Variants in MROH1 observed in about 807,000 individuals in gnomAD.
MROH1 encodes the protein maestro heat-like repeat-containing protein family member 1.
In MROH1, 117 loss-of-function variants were observed where a neutral mutation model predicts 116.5. The ratio of observed to expected loss-of-function variants is 1.00; its 90% confidence interval spans 0.86 to 1.17. The LOEUF (loss-of-function observed/expected upper bound fraction) is 1.17, where lower values mean the gene tolerates loss of function less well. Ranked by LOEUF, MROH1 falls within the 50% of genes most tolerant of loss-of-function variation. MROH1 has a pLI of 0.00. For missense variants in MROH1, 1,873 were observed against 1,338.5 expected (o/e 1.40, Z -6.23); for synonymous variants, 921 against 583.9 (o/e 1.58, Z -8.32).
At chr8:144,169,974 C>CA (rs1300033728) in intron 4 of MROH1, among the ~76,000 whole-genome samples, 1 of 152,242 alleles carries the variant, frequency 6.6e-6, no homozygotes, top group Non-Finnish European at 1.5e-5. Flanking sequence ...GCTGGGATTA[C>CA]AGGTGCCTGC....
At chr8:144,260,153 CTG>C (rs1386962231) in intron 38 of MROH1, 31 bp from the exon 39 acceptor site, 11 of 762,824 alleles carry the variant, frequency 1.4e-5, no homozygotes, top group Admixed American at 1.0e-4. Context: ...GACGGTGACT[CTG>C]GGACCCAGGC....
At chr8:144,247,729 G>T in intron 31 of MROH1, 50 bp downstream of exon 31, 1 of 715,836 alleles carries the variant, frequency 1.4e-6, no homozygotes, top group Non-Finnish European at 2.5e-6. Flanking sequence ...ACTGTCTGGG[G>T]CTAACAGGGA....
chr8:144,161,645 T>C (rs933929945), intron 2 of MROH1, among the ~76,000 whole-genome samples: 3 of 152,192 alleles, frequency 2.0e-5, no homozygotes, highest in Non-Finnish European at 4.4e-5. Flanking sequence ...GTCCAGTTTT[T>C]TAGTTGTCCT....
At chr8:144,195,518 A>G (rs1193587394) in intron 10 of MROH1, among the ~76,000 whole-genome samples, 35 of 147,378 alleles carry the variant, frequency 2.4e-4, no homozygotes, top group African/African-American at 8.4e-4. Context: ...AAAAAAAAAA[A>G]AAAAAAAGAA....
rs967908865 is a variant in MROH1, at chr8:144,231,285, G to A, written c.1339-7471G>A. On this transcript the variant is annotated intron_variant, in intron 14 of 43. Coordinates refer to ENST00000326134, the MANE Select transcript of MROH1 (RefSeq NM_032450.3). Reference sequence around the variant, plus strand: ...TCCCGCCTTTCTATTCCACAAAGCCGCCATTGTCATCATGGCCCGTTCTCA... The same window carrying A: ...TCCCGCCTTTCTATTCCACAAAGCCACCATTGTCATCATGGCCCGTTCTCA... Among the ~76,000 whole-genome samples, 23 of 151,928 alleles carry A rather than the reference G, an allele frequency of 1.5e-4. No individual in the cohort carries two copies. In the East Asian group the frequency reaches 3.5e-3, roughly 23 times the overall value.
chr8:144,249,011 C>T lies in MROH1; in HGVS notation c.3255C>T (p.Gly1085=), dbSNP rs899463261. ...TCAACTGCCTGCTGCAGGAGCGGGG[C>T]GGTGTGCTCCAGGAGAAGGTGGGAG... ...VMINCLLQER[G]GVLQEKVPEI... Residue 1085 remains glycine, a synonymous_variant, in exon 32 of 44, where the codon GGC becomes GGT. Coordinates refer to ENST00000326134, the MANE Select transcript of MROH1 (RefSeq NM_032450.3). The T allele has an allele frequency of 2.4e-5, 16 of 665,032 alleles. No homozygotes were observed. Among genetic ancestry groups the T allele is most frequent in the East Asian group, 9.9e-5 (3 of 30,370 alleles). 41.2% of individuals were successfully genotyped at this position (665,032 alleles called of 1,614,324 possible). A position where few individuals can be genotyped will look rare whatever the true frequency, so the allele number is the denominator to read the frequency against.
chr8:144,176,259 G>T (rs1212005448), intron 4 of MROH1, among the ~76,000 whole-genome samples: 1 of 151,810 alleles, frequency 6.6e-6, no homozygotes, highest in Non-Finnish European at 1.5e-5. Flanking sequence ...TGTAGTCCCA[G>T]GTACTCGGGA....
chr8:144,245,472 C>T (rs1002742173), intron 29 of MROH1, among the ~76,000 whole-genome samples: 4 of 152,208 alleles, frequency 2.6e-5, no homozygotes, highest in South Asian at 2.1e-4. Flanking sequence ...CACTGTTAGC[C>T]GGAAGGAACA....
chr8:144,189,416 G>A (rs894710896), intron 7 of MROH1, among the ~76,000 whole-genome samples: 4 of 152,142 alleles, frequency 2.6e-5, no homozygotes, highest in Non-Finnish European at 4.4e-5. Flanking sequence ...CCCTTCACCC[G>A]GGGCCCAGCC....
intron 14 of MROH1, among the ~76,000 whole-genome samples, chr8:144,226,946 G>A (rs564408780): frequency 6.6e-6 from 1 of 152,328 alleles, no homozygotes; most frequent in East Asian, 1.9e-4. Flanking sequence ...TTGTTCACCA[G>A]TATTTTGTAA....
chr8:144,260,614 C>T, intron 39 of MROH1, 63 bp from the exon 40 acceptor site: 6 of 769,116 alleles, frequency 7.8e-6, no homozygotes, highest in Non-Finnish European at 7.2e-6. Flanking sequence ...TGGCAGGGGG[C>T]TAGGCAGGCA....
intron 35 of MROH1, among the ~76,000 whole-genome samples, 186 bp downstream of exon 35, chr8:144,255,891 C>T (rs1227965921): frequency 2.6e-5 from 4 of 151,904 alleles, no homozygotes; most frequent in African/African-American, 4.9e-5. Flanking sequence ...CCATGGCCAC[C>T]CTTCTCACAC....
In MROH1 at chr8:144,238,765, C is replaced by G; in HGVS notation, c.1348C>G (p.Pro450Ala). 4 of 772,616 alleles carry G rather than the reference C, an allele frequency of 5.2e-6. No individual in the cohort carries two copies. The highest frequency in any genetic ancestry group is 7.2e-6 in the Non-Finnish European group (3 of 417,680). 47.9% of individuals were successfully genotyped at this position (772,616 alleles called of 1,614,324 possible). A position where few individuals can be genotyped will look rare whatever the true frequency, so the allele number is the denominator to read the frequency against. Residue 450 changes from proline to alanine, a missense_variant, in exon 15 of 44, where the codon CCA becomes GCA. Transcript: ENST00000326134. Reference protein sequence around the residue: ...ALPPEQEPEKPGPGSKDPKAD... With the variant: ...ALPPEQEPEKAGPGSKDPKAD... ...TTTTGCCTTCCTCCAGCCTGAGAAG[C>G]CAGGCCCCGGCAGCAAGGACCCCAA...
intron 28 of MROH1, 51 bp from the exon 29 acceptor site, chr8:144,245,104 GC>G: frequency 1.3e-6 from 1 of 778,026 alleles, no homozygotes; most frequent in Admixed American, 1.7e-5. Context: ...CAAGGCTCCT[GC>G]CCCCAGGGCT....
intron 1 of MROH1, among the ~76,000 whole-genome samples, chr8:144,158,921 T>C (rs1208124759): frequency 6.6e-6 from 1 of 152,142 alleles, no homozygotes; most frequent in Non-Finnish European, 1.5e-5. Flanking sequence ...GTATTTTTTG[T>C]AGAGACAGGG....
chr8:144,166,018 A>T (rs1000349101), intron 3 of MROH1, among the ~76,000 whole-genome samples: 2 of 152,008 alleles, frequency 1.3e-5, no homozygotes, highest in Admixed American at 6.6e-5. Context: ...AGCTGGGACT[A>T]TAGGTACCTG....
At position 144,180,104 on chromosome 8, in the gene MROH1, C is replaced by T; in HGVS notation, c.301-74C>T. On this transcript the variant is annotated intron_variant, in intron 5 of 43. Coordinates refer to ENST00000326134, the MANE Select transcript of MROH1 (RefSeq NM_032450.3). The surrounding 1 kb of genome is among the most constrained non-coding windows in gnomAD (Gnocchi z 7.4). ...ACGCTGAAAACAGCGTGCGCTTGTC[C>T]AAGGCTGGCAGCGACTGAGGGCAGA... 1.9e-6 allele frequency: 3 copies of T among 1,575,882 alleles called. No homozygotes were observed. Among genetic ancestry groups the T allele is most frequent in the South Asian group, 2.3e-5 (2 of 87,414 alleles).
At chr8:144,197,589 C>T (rs1158046642) in intron 10 of MROH1, among the ~76,000 whole-genome samples, 2 of 149,920 alleles carry the variant, frequency 1.3e-5, no homozygotes, top group Non-Finnish European at 3.0e-5. Context: ...GCGCCTGCAA[C>T]CACGCCTGGC....
rs1346071965 is a variant in MROH1, at chr8:144,180,356, C to T, written c.463+16C>T. On this transcript the variant is annotated intron_variant, in intron 6 of 43. Coordinates refer to ENST00000326134, the MANE Select transcript of MROH1 (RefSeq NM_032450.3). The surrounding 1 kb of genome is among the most constrained non-coding windows in gnomAD (Gnocchi z 7.4). ...GTGGCCAACGGTAGGTGACGCGCGG[C>T]CTGCCCCAGGAGGAGCACGGGGCGC... 6.2e-7 allele frequency: 1 copy of T among 1,607,508 alleles called. No homozygotes were observed.
Sources: gnomAD v4.1 joint callset for allele counts (sites outside exome capture counted in the v4.1 genomes callset) on GRCh38, gnomAD v4.1.1 for gene constraint, Gnocchi (gnomAD v3.1) non-coding constraint, MANE v1.5 for transcripts, NCBI Gene and HGNC (gene_info 2026-07-23, HGNC 2026-07-21) for gene names.